The following PDE11A variants were observed in gnomAD, a reference collection of about 807,000 sequenced individuals.
PDE11A encodes dual 3',5'-cyclic-AMP and -GMP phosphodiesterase 11A.
In PDE11A, 100 loss-of-function variants were observed where a neutral mutation model predicts 100.5. The ratio of observed to expected loss-of-function variants is 1.00; its 90% CI spans 0.85 to 1.18. PDE11A has a LOEUF of 1.18. Ranked by LOEUF, PDE11A falls within the 50% of genes most tolerant of loss-of-function variation. The pLI is 0.00. For missense variants in PDE11A, 1,141 were observed against 1,152.6 expected, an observed-to-expected ratio of 0.99 and a Z score of 0.15; for synonymous variants, 381 against 420.8, an observed-to-expected ratio of 0.91 and a Z score of 1.16.
At chr2:177,832,787 C>G (rs1298053637) in intron 6 of PDE11A, among the ~76,000 whole-genome samples, 1 of 152,094 alleles carries the variant, frequency 6.6e-6, no homozygotes, top group East Asian at 1.9e-4. Context: ...GCAGACAACT[C>G]CAGTAAACAC....
At chr2:177,817,712 C>A in intron 8 of PDE11A, 146 bp downstream of exon 8, 1 of 617,558 alleles carries the variant, frequency 1.6e-6, no homozygotes, top group South Asian at 1.9e-5. Context: ...TAAGCATTTA[C>A]ATATTCCTTA....
intron 10 of PDE11A, among the ~76,000 whole-genome samples, chr2:177,742,116 G>C (rs2081880816): frequency 6.6e-6 from 1 of 152,044 alleles, no homozygotes; most frequent in Non-Finnish European, 1.5e-5. Context: ...AGTCTGCCAG[G>C]GAAGGAGACC....
At chr2:177,853,705 TG>T (rs2083768773) in intron 5 of PDE11A, among the ~76,000 whole-genome samples, 1 of 35,566 alleles carries the variant, frequency 2.8e-5, no homozygotes, top group African/African-American at 7.8e-5. Context: ...TGTGTGTGTG[TG>T]TGTGTGTTTG....
chr2:177,951,333 G>A (rs563596854), intron 2 of PDE11A, among the ~76,000 whole-genome samples: 9 of 152,218 alleles, frequency 5.9e-5, no homozygotes, highest in Non-Finnish European at 8.8e-5. Context: ...TATTATGACA[G>A]TATCTTCTTG....
chr2:178,074,484 A>G (rs1403054045), upstream of PDE11A, among the ~76,000 whole-genome samples: 1 of 152,168 alleles, frequency 6.6e-6, no homozygotes, highest in Non-Finnish European at 1.5e-5. Flanking sequence ...CTGAGTAGAG[A>G]TCTGATGAAA....
At chr2:177,655,145 T>A (rs1170518505) in intron 19 of PDE11A, among the ~76,000 whole-genome samples, 3 of 152,176 alleles carry the variant, frequency 2.0e-5, no homozygotes, top group Admixed American at 1.3e-4. Flanking sequence ...GTATATCCTA[T>A]TTTTTTCCAT....
At chr2:178,025,696 G>A (rs977762824) in intron 1 of PDE11A, among the ~76,000 whole-genome samples, 3 of 152,162 alleles carry the variant, frequency 2.0e-5, no homozygotes, top group Admixed American at 6.5e-5. Flanking sequence ...ATTACCGTAA[G>A]TCTGCAAATA....
intron 1 of PDE11A, among the ~76,000 whole-genome samples, chr2:178,049,737 G>A (rs1251173234): frequency 3.9e-5 from 6 of 152,164 alleles, no homozygotes; most frequent in Non-Finnish European, 7.3e-5. Flanking sequence ...CCACACCCAC[G>A]GAGTCTTGCT....
intron 4 of PDE11A, among the ~76,000 whole-genome samples, chr2:177,880,401 G>A (rs1331742929): frequency 6.6e-6 from 1 of 152,162 alleles, no homozygotes; most frequent in Non-Finnish European, 1.5e-5. Flanking sequence ...CTAAGGCTCA[G>A]GCCCCGGTTG....
intron 19 of PDE11A, among the ~76,000 whole-genome samples, chr2:177,661,475 T>C (rs533820970): frequency 6.6e-6 from 1 of 152,270 alleles, no homozygotes; most frequent in East Asian, 1.9e-4. Context: ...TTCAATTTCA[T>C]TTCGGAAGCA....
intron 9 of PDE11A, among the ~76,000 whole-genome samples, chr2:177,800,511 AAC>A: frequency 6.6e-6 from 1 of 152,226 alleles, no homozygotes; most frequent in East Asian, 1.9e-4. Flanking sequence ...TTAATCACCT[AAC>A]TGTAGTTCAT....
chr2:177,955,993 G>C (rs574708245), intron 2 of PDE11A, among the ~76,000 whole-genome samples: 359 of 152,204 alleles, frequency 2.4e-3, no homozygotes, highest in African/African-American at 8.2e-3. Flanking sequence ...TCAGGACATA[G>C]GCATGGGCAA....
chr2:178,074,161 T>G (rs1030954156), upstream of PDE11A, among the ~76,000 whole-genome samples: 1 of 152,152 alleles, frequency 6.6e-6, no homozygotes, highest in Non-Finnish European at 1.5e-5. Context: ...TTGTAAGAAA[T>G]GTCCAGAATA....
At chr2:177,936,458 A>G (rs1302183771) in intron 2 of PDE11A, among the ~76,000 whole-genome samples, 1 of 152,238 alleles carries the variant, frequency 6.6e-6, no homozygotes, top group Non-Finnish European at 1.5e-5. Flanking sequence ...ATGTAGTTTA[A>G]GCAAAGCGTT....
At chr2:177,999,392 C>T (rs2086115987) in intron 2 of PDE11A, among the ~76,000 whole-genome samples, 1 of 152,192 alleles carries the variant, frequency 6.6e-6, no homozygotes, top group South Asian at 2.1e-4. Flanking sequence ...ATACCTATAA[C>T]AAATTTCAGT....
At chr2:177,754,454 G>C (rs2082065376) in intron 10 of PDE11A, among the ~76,000 whole-genome samples, 1 of 152,120 alleles carries the variant, frequency 6.6e-6, no homozygotes, top group Non-Finnish European at 1.5e-5. Context: ...GAAATATATG[G>C]GTATTTCCAC....
chr2:177,945,201 C>T (rs1196095000), intron 2 of PDE11A, among the ~76,000 whole-genome samples: 2 of 151,590 alleles, frequency 1.3e-5, no homozygotes, highest in Non-Finnish European at 2.9e-5. Flanking sequence ...CTGCCTTGGC[C>T]TCCCAGAGTG....
intron 9 of PDE11A, among the ~76,000 whole-genome samples, chr2:177,787,889 A>C (rs4297923): frequency 0.33 from 50,461 of 151,882 alleles, 8,746 homozygotes; most frequent in African/African-American, 0.39. Flanking sequence ...TTCATAAAGC[A>C]AGTCCTGAAT....
intron 1 of PDE11A, among the ~76,000 whole-genome samples, chr2:178,064,329 T>C (rs899277076): frequency 2.0e-5 from 3 of 152,196 alleles, no homozygotes; most frequent in African/African-American, 7.2e-5. Context: ...CTCTTCGCTG[T>C]AGGTGTGTTC....
Sources: gnomAD v4.1 joint callset for allele counts (sites outside exome capture counted in the v4.1 genomes callset) on GRCh38, gnomAD v4.1.1 for gene constraint, MANE v1.5 for transcripts, NCBI Gene and HGNC (gene_info 2026-07-23, HGNC 2026-07-21) for gene names.